Variants in DNHD1 observed in about 807,000 individuals in gnomAD.
The protein encoded by DNHD1 is dynein heavy chain domain 1.
DNHD1 carries 383 observed loss-of-function variants against 458.1 expected under a neutral mutation model. The ratio of observed to expected loss-of-function variants is 0.84; its 90% CI spans 0.77 to 0.91. The LOEUF (loss-of-function observed/expected upper bound fraction) is 0.91, where lower values mean the gene tolerates loss of function less well. Among genes scored for constraint, DNHD1 ranks in the 40% least tolerant of loss-of-function variants. The pLI, the probability that DNHD1 is intolerant of heterozygous loss-of-function variation, is 0.00. For synonymous variants in DNHD1, 2,203 were observed against 2,376.9 expected (o/e 0.93, Z 2.13); for missense variants, 5,336 against 5,866.1 (o/e 0.91, Z 2.95).
At chr11:6,566,476 A>G (rs1028238411) in intron 34 of DNHD1, 83 bp downstream of exon 34, 8 of 1,545,028 alleles carry the variant, frequency 5.2e-6, no homozygotes, top group Non-Finnish European at 6.1e-6. Flanking sequence ...GCTTCACTCA[A>G]CCTGGCCCAG....
rs368313975 is a variant in DNHD1 at position 6,499,579 on chromosome 11, C to A, written c.746+618C>A. ...TTTTGTTTCTTTCTTTCTTTCTTTCCTTTTTTGAGATAGAGTCTCACTCTG... is the reference window on the plus strand; with the variant it reads ...TTTTGTTTCTTTCTTTCTTTCTTTCATTTTTTGAGATAGAGTCTCACTCTG... On this transcript the variant is annotated intron_variant, in intron 3 of 42. Transcript: ENST00000254579. Among the ~76,000 whole-genome samples the A allele has an allele frequency of 7.8e-4, 117 of 150,548 alleles. 1 individual carries two copies. The highest frequency in any genetic ancestry group is 2.7e-3 in the African/African-American group (111 of 41,344).
chr11:6,567,967 T>C, intron 36 of DNHD1, 89 bp from the exon 37 acceptor site: 1 of 1,482,524 alleles, frequency 6.7e-7, no homozygotes, highest in South Asian at 1.4e-5. Flanking sequence ...ACGTAGGGAC[T>C]TTGGGGATCA....
rs752435249 is a variant in DNHD1, at chr11:6,568,733, G to A, written c.12730G>A (p.Asp4244Asn). ...CCTGGAGCTGGGCCATGTTTTGATTGACAGTGTGGAGCTAGCCCAGCAAGT... is the reference window on the plus strand; with the variant it reads ...CCTGGAGCTGGGCCATGTTTTGATTAACAGTGTGGAGCTAGCCCAGCAAGT... ...QSLELGHVLI[D>N]SVELAQQVLY... is the part of the protein sequence containing the mutation. The change falls in exon 39 of 43, where the codon GAC (aspartate) becomes AAC (asparagine). Residue 4244 changes from aspartate to asparagine, a missense_variant. Asp to Asn is a conservative substitution (Grantham distance 23). This residue lies in a region of DNHD1 where 695 missense variants were observed against 804.2 expected (regional missense o/e 0.86). Transcript: ENST00000254579. 3.7e-6 allele frequency: 6 copies of A among 1,613,728 alleles called. No homozygotes were observed. Among genetic ancestry groups the A allele is most frequent in the Non-Finnish European group, 5.1e-6 (6 of 1,179,826 alleles).
Position 6,533,043 on chromosome 11 carries a change from C to T in DNHD1, c.2364C>T (p.Ser788=). Reference sequence around the variant, plus strand: ...TGTCTCCAGAATCCAAGCTGAACAGCATAAGGAAGGACATTCTTGCACACG... The same window carrying T: ...TGTCTCCAGAATCCAAGCTGAACAGTATAAGGAAGGACATTCTTGCACACG... ...VQAEMESKLN[S]IRKDILAHVQ... is the part of the protein sequence containing the mutation. Residue 788 remains serine (S), a synonymous_variant, in exon 13 of 43, where the codon AGC becomes AGT. Coordinates refer to ENST00000254579, the MANE Select transcript of DNHD1 (RefSeq NM_144666.3). 6.4e-7 allele frequency: 1 copy of T among 1,551,648 alleles called. No individual in the cohort carries two copies. Among genetic ancestry groups the T allele is most frequent in the Non-Finnish European group, 8.7e-7 (1 of 1,146,982 alleles).
At chr11:6,559,404 G>A (rs934841932) in intron 28 of DNHD1, 121 bp downstream of exon 28, 26 of 850,212 alleles carry the variant, frequency 3.1e-5, no homozygotes, top group South Asian at 5.4e-5. Context: ...CTTTCCCTAG[G>A]AAATCTCTCT....
Position 6,540,076 on chromosome 11 carries a change from C to T in DNHD1, c.3621C>T (p.Ile1207=), listed in dbSNP as rs1417620578. ...EVVDKDSGTF[I]LSDYSNLQDS... ...TGGACAAAGATAGTGGCACCTTCAT[C>T]CTCTCAGGTGAGACCCAGACCTTGT... Residue 1207 remains isoleucine (I), a synonymous_variant, in exon 18 of 43, where the codon ATC becomes ATT. Coordinates refer to ENST00000254579, the MANE Select transcript of DNHD1 (RefSeq NM_144666.3). 6.4e-7 allele frequency: 1 copy of T among 1,551,672 alleles called. No individual in the cohort carries two copies. Among genetic ancestry groups the T allele is most frequent in the Non-Finnish European group, 8.7e-7 (1 of 1,146,932 alleles).
At chr11:6,519,543 G>A (rs201996028) in intron 7 of DNHD1, 57 bp from the exon 8 acceptor site, 428 of 1,595,442 alleles carry the variant, frequency 2.7e-4, no homozygotes, top group Non-Finnish European at 3.0e-4. Flanking sequence ...CAGACTAGTG[G>A]GTGGCTGGTT....
At chr11:6,544,356 T>G in intron 19 of DNHD1, 110 bp downstream of exon 19, 1 of 1,292,544 alleles carries the variant, frequency 7.7e-7, no homozygotes, top group Non-Finnish European at 1.1e-6. Context: ...AAGAACACAG[T>G]GAGGACCTCC....
chr11:6,508,683 C>T, intron 4 of DNHD1, 197 bp from the exon 5 acceptor site: 1 of 572,586 alleles, frequency 1.7e-6, no homozygotes, highest in East Asian at 3.0e-5. Flanking sequence ...TCCCATCTAC[C>T]TTTGGCTTCG....
intron 7 of DNHD1, among the ~76,000 whole-genome samples, chr11:6,517,338 T>A (rs1852496472): frequency 6.6e-6 from 1 of 152,170 alleles, no homozygotes; most frequent in African/African-American, 2.4e-5. Flanking sequence ...AATAGAACTG[T>A]CATATGATCC....
chr11:6,545,229 G>C lies in DNHD1; in HGVS notation c.4290G>C (p.Glu1430Asp). The change falls in exon 21 of 43, where the codon GAG (glutamate) becomes GAC (aspartate). Residue 1430 changes from glutamate to aspartate, a missense_variant. Physicochemically the swap from Glu to Asp is conservative, Grantham distance 45. Around this residue, in one of 4 missense-constraint regions of DNHD1, gnomAD observed 3,932 missense variants for 4,365.6 expected, o/e 0.90. Coordinates refer to ENST00000254579, the MANE Select transcript of DNHD1 (RefSeq NM_144666.3). This position sits in a 1 kb window ranked among gnomAD's most constrained non-coding sequence, Gnocchi z 4.9. The stretch of plus-strand genomic sequence containing the variant: ...TTGCAGTGCTAGGGGCAGGTGGGGA[G>C]GAGGTGAAGCTGCAGGGTCCCCTTC... ...EALAVLGAGG[E>D]EVKLQGPLPL... 3 of 1,551,836 alleles carry C rather than the reference G, an allele frequency of 1.9e-6. No individual in the cohort carries two copies. The highest frequency in any genetic ancestry group is 2.6e-6 in the Non-Finnish European group (3 of 1,147,016).
At chr11:6,530,001 A>G (rs1023245424) in intron 12 of DNHD1, among the ~76,000 whole-genome samples, 1 of 152,150 alleles carries the variant, frequency 6.6e-6, no homozygotes, top group Non-Finnish European at 1.5e-5. Flanking sequence ...CAGGAACTTC[A>G]TCTAGGCCAC....
intron 16 of DNHD1, 89 bp from the exon 17 acceptor site, chr11:6,539,130 C>A: frequency 1.1e-6 from 1 of 894,730 alleles, no homozygotes; most frequent in Non-Finnish European, 1.8e-6. Context: ...CTGAGCTGGG[C>A]TGGGCTGGGC....
At chr11:6,564,991 T>G (rs1051454670) in intron 32 of DNHD1, among the ~76,000 whole-genome samples, 187 bp downstream of exon 32, 6 of 152,226 alleles carry the variant, frequency 3.9e-5, no homozygotes, top group African/African-American at 1.4e-4. Flanking sequence ...ACAATGATTC[T>G]GAATCTACAT....
chr11:6,511,491 C>T (rs1852335070), intron 7 of DNHD1, 62 bp downstream of exon 7: 8 of 1,582,170 alleles, frequency 5.1e-6, no homozygotes, highest in Non-Finnish European at 6.0e-6. Flanking sequence ...GAGTTTCAGC[C>T]TCCTCTTAGT....
Position 6,566,898 on chromosome 11 carries a change from C to T in DNHD1, c.11389C>T (p.Arg3797Trp), listed in dbSNP as rs773303517. 5.0e-6 allele frequency: 8 copies of T among 1,610,670 alleles called. No individual in the cohort carries two copies. Among genetic ancestry groups the T allele is most frequent in the Non-Finnish European group, 5.9e-6 (7 of 1,178,408 alleles). ...TCKAVEAAEE[R>W]LLTMLLFQNP... Reference sequence around the variant, plus strand: ...TCCAACAAATGAGTGTATGCAGGAGCGGCTGCTGACGATGCTGCTGTTCCA... The same window carrying T: ...TCCAACAAATGAGTGTATGCAGGAGTGGCTGCTGACGATGCTGCTGTTCCA... The change falls in exon 36 of 43, where the codon CGG (arginine) becomes TGG (tryptophan). Residue 3797 changes from arginine (R) to tryptophan (W), a missense_variant. Physicochemically the swap from Arg to Trp is moderately radical, Grantham distance 101. Coordinates refer to ENST00000254579, the MANE Select transcript of DNHD1 (RefSeq NM_144666.3).
chr11:6,545,976 G>C lies in DNHD1; in HGVS notation c.5037G>C (p.Glu1679Asp). 1 of 1,551,794 alleles carries C rather than the reference G, an allele frequency of 6.4e-7. No homozygotes were observed. Among genetic ancestry groups the C allele is most frequent in the Non-Finnish European group, 8.7e-7 (1 of 1,147,006 alleles). Residue 1679 changes from glutamate to aspartate, a missense_variant, in exon 21 of 43, where the codon GAG becomes GAC. Physicochemically the swap from Glu to Asp is conservative, Grantham distance 45 (BLOSUM62 2). Around this residue, in one of 4 missense-constraint regions of DNHD1, gnomAD observed 3,932 missense variants for 4,365.6 expected, o/e 0.90. Coordinates refer to ENST00000254579, the MANE Select transcript of DNHD1 (RefSeq NM_144666.3). The surrounding 1 kb of genome is among the most constrained non-coding windows in gnomAD (Gnocchi z 4.9). Reference protein sequence around the residue: ...PALVLLLALEEVACGTVLGPN... With the variant: ...PALVLLLALEDVACGTVLGPN... ...TGGTACTATTATTGGCCCTAGAGGA[G>C]GTGGCCTGTGGGACCGTACTGGGTC...
intron 10 of DNHD1, among the ~76,000 whole-genome samples, chr11:6,525,486 G>A (rs565551713): frequency 1.3e-5 from 2 of 152,062 alleles, no homozygotes; most frequent in East Asian, 1.9e-4. Flanking sequence ...TCTCTACATC[G>A]TCATTTCATA....
rs1852068959 is a variant in DNHD1, at chr11:6,498,276, A to ATG, written c.61_62insTG (p.Lys21MetfsTer27). Reference sequence around the variant, plus strand: ...TGATGAGACATCATCTGATTCCCTTAAGTCTTGGCACTCCATATGTGTCTT... The same window carrying ATG: ...TGATGAGACATCATCTGATTCCCTTATGAGTCTTGGCACTCCATATGTGTCTT... On this transcript the variant is annotated frameshift_variant, in exon 3 of 43. Coordinates refer to ENST00000254579, the MANE Select transcript of DNHD1 (RefSeq NM_144666.3). LOFTEE classifies it high-confidence loss of function. The ATG allele has an allele frequency of 2.5e-6, 4 of 1,614,020 alleles. No individual in the cohort carries two copies. The highest frequency in any genetic ancestry group is 3.4e-6 in the Non-Finnish European group (4 of 1,180,036).
Sources: gnomAD v4.1 joint callset for allele counts (sites outside exome capture counted in the v4.1 genomes callset) on GRCh38, gnomAD v4.1.1 for gene constraint, gnomAD v4.1.1 regional missense constraint, Gnocchi (gnomAD v3.1) non-coding constraint, MANE v1.5 for transcripts, NCBI Gene and HGNC (gene_info 2026-07-23, HGNC 2026-07-21) for gene names.